OR52H1: variants seen among roughly 807,000 people sequenced by gnomAD.
OR52H1 encodes the protein olfactory receptor 52H1.
For synonymous variants in OR52H1, 148 were observed against 138.6 expected (o/e 1.07, Z -0.48); for missense variants, 383 against 396.4 (o/e 0.97, Z 0.29).
rs1337844723 is a variant in OR52H1, at chr11:5,544,644, C to G, written c.862G>C (p.Ala288Pro). 6.2e-7 allele frequency: 1 copy of G among 1,614,072 alleles called. No homozygotes were observed. Among genetic ancestry groups the G allele is most frequent in the Non-Finnish European group, 8.5e-7 (1 of 1,179,998 alleles). ...ACTCCGTAAACCATGGGGTTGAGTG[C>G]AGGTGGGATAACAATGTAGAGATTG... ...FANLYIVIPP[A>P]LNPMVYGVKT... Residue 288 changes from alanine (A) to proline (P), a missense_variant, in exon 2 of 2, where the codon GCA (alanine) becomes CCA (proline). Coordinates refer to ENST00000322653, the MANE Select transcript of OR52H1 (RefSeq NM_001005289.5).
rs750440917 is a variant in OR52H1 at position 5,545,097 on chromosome 11, T to G, written c.409A>C (p.Ile137Leu). 2 of 1,613,932 alleles carry G rather than the reference T, an allele frequency of 1.2e-6. No homozygotes were observed. The highest frequency in any genetic ancestry group is 2.2e-5 in the East Asian group (1 of 44,880). ...AICSPLRYTT[I>L]LTPKTIIKSA... ...TTGATGATGGTCTTGGGAGTCAAGA[T>G]GGTGGTATATCTCAAGGGAGAACAG... Residue 137 changes from isoleucine to leucine, a missense_variant, in exon 2 of 2, where the codon ATC becomes CTC. Ile to Leu is a conservative substitution (Grantham distance 5, BLOSUM62 2). Coordinates refer to ENST00000322653, the MANE Select transcript of OR52H1 (RefSeq NM_001005289.5).
In OR52H1 at chr11:5,544,565, C is replaced by A; in HGVS notation, c.941G>T (p.Gly314Val). 1 of 1,585,466 alleles carries A rather than the reference C, an allele frequency of 6.3e-7. No homozygotes were observed. The highest frequency in any genetic ancestry group is 8.6e-7 in the Non-Finnish European group (1 of 1,166,584). The change falls in exon 2 of 2, where the codon GGA becomes GTA. Residue 314 changes from glycine (G) to valine (V), a missense_variant. By Grantham distance (109) the Gly-to-Val change is moderately radical (BLOSUM62 -3). Coordinates refer to ENST00000322653, the MANE Select transcript of OR52H1 (RefSeq NM_001005289.5). ...TAAACTTATCCTAGTAAAACATCAT[C>A]CTGTACCCTTAGAAAACAAAAGTAT... Reference protein sequence around the residue: ...KVILLFSKGTG With the variant: ...KVILLFSKGTV
At chr11:5,545,592 C>A in intron 1 of OR52H1, 57 bp from the exon 2 acceptor site, 1 of 1,454,302 alleles carries the variant, frequency 6.9e-7, no homozygotes, top group Admixed American at 2.1e-5. Context: ...AAACTTTCAA[C>A]TAATTATAAT....
chr11:5,546,594 T>C (rs919589202), intron 1 of OR52H1, among the ~76,000 whole-genome samples: 2 of 152,216 alleles, frequency 1.3e-5, no homozygotes, highest in African/African-American at 4.8e-5. Context: ...ACTGGTCCTA[T>C]ACCTTCTTCC....
rs10675854 is a variant in OR52H1, at chr11:5,547,653, A to AT, written c.-31+798dup. On this transcript the variant is annotated intron_variant, in intron 1 of 1. Transcript: ENST00000322653. ...CAAAATGATACACATTGAAAAAAGAATTTTTTTTTTGAGACAGAGTCTTGC... is the reference window on the plus strand; with the variant it reads ...CAAAATGATACACATTGAAAAAAGAATTTTTTTTTTTGAGACAGAGTCTTGC... 2.8e-3 allele frequency among the ~76,000 whole-genome samples: 420 copies of AT among 150,824 alleles called. 3 individuals carry two copies. Among genetic ancestry groups the AT allele is most frequent in the African/African-American group, 9.7e-3 (399 of 41,172 alleles).
At position 5,545,394 on chromosome 11, in the gene OR52H1, T is replaced by C. The variant is rs764311957; in HGVS notation, c.112A>G (p.Ile38Val). ...ATGCAGTTTCCCACAACAGCTACAA[T>C]GTAGATGATACAGAAGGGAATTCCA... ...WIGIPFCIIY[I>V]VAVVGNCILL... The change falls in exon 2 of 2, where the codon ATT becomes GTT. Residue 38 changes from isoleucine to valine, a missense_variant. Ile to Val is a conservative substitution (Grantham distance 29). Transcript: ENST00000322653. 2 of 1,614,090 alleles carry C rather than the reference T, an allele frequency of 1.2e-6. No individual in the cohort carries two copies. Among genetic ancestry groups the C allele is most frequent in the Non-Finnish European group, 1.7e-6 (2 of 1,180,020 alleles).
Position 5,545,128 on chromosome 11 carries a change from T to C in OR52H1, c.378A>G (p.Val126=), listed in dbSNP as rs1371069578. 2 of 1,613,994 alleles carry C rather than the reference T, an allele frequency of 1.2e-6. No homozygotes were observed. Among genetic ancestry groups the C allele is most frequent in the Non-Finnish European group, 1.7e-6 (2 of 1,180,006 alleles). Reference sequence around the variant, plus strand: ...TATATCTCAAGGGAGAACAGATAGCTACATAGTGATCAAATGCCATGGCCA... The same window carrying C: ...TATATCTCAAGGGAGAACAGATAGCCACATAGTGATCAAATGCCATGGCCA... The part of the protein sequence containing the change: ...ILMAMAFDHY[V]AICSPLRYTT... Residue 126 remains valine, a synonymous_variant, in exon 2 of 2, where the codon GTA becomes GTG. Coordinates refer to ENST00000322653, the MANE Select transcript of OR52H1 (RefSeq NM_001005289.5).
At chr11:5,547,027 C>A (rs1383459879) in intron 1 of OR52H1, among the ~76,000 whole-genome samples, 1 of 152,190 alleles carries the variant, frequency 6.6e-6, no homozygotes, top group Non-Finnish European at 1.5e-5. Flanking sequence ...ACGATCTCGG[C>A]TCACTGCAAC....
rs76230147 is a variant in OR52H1 at position 5,545,538 on chromosome 11, A to G, written c.-30-3T>C. 2.8e-3 allele frequency: 4,415 copies of G among 1,604,736 alleles called. 97 individuals are homozygous for G. In the African/African-American group the frequency reaches 0.054, roughly 20 times the overall value. Reference sequence around the variant, plus strand: ...GCAGATGGCATAAATCTCAGCCCCTAAAGACAGAGGGTGATTAAGGATAGA... The same window carrying G: ...GCAGATGGCATAAATCTCAGCCCCTGAAGACAGAGGGTGATTAAGGATAGA... On this transcript the variant is annotated splice_region_variant and splice_polypyrimidine_tract_variant and intron_variant, in intron 1 of 1. Transcript: ENST00000322653.
chr11:5,545,361 A>G lies in OR52H1; in HGVS notation c.145T>C (p.Tyr49His), dbSNP rs140168828. ...VAVVGNCILL[Y>H]LIVVEHSLHE... The stretch of plus-strand genomic sequence containing the variant: ...AGACTATGCTCCACCACAATGAGGT[A>G]GAGAAGGATGCAGTTTCCCACAACA... The change falls in exon 2 of 2, where the codon TAC becomes CAC. Residue 49 changes from tyrosine to histidine, a missense_variant. Physicochemically the swap from Tyr to His is moderately conservative, Grantham distance 83. Coordinates refer to ENST00000322653, the MANE Select transcript of OR52H1 (RefSeq NM_001005289.5). The G allele has an allele frequency of 6.2e-7, 1 of 1,613,936 alleles. No individual in the cohort carries two copies. The highest frequency in any genetic ancestry group is 1.1e-5 in the South Asian group (1 of 91,084).
At chr11:5,547,714 T>C (rs1590049595) in intron 1 of OR52H1, among the ~76,000 whole-genome samples, 2 of 152,226 alleles carry the variant, frequency 1.3e-5, no homozygotes, top group East Asian at 3.9e-4. Context: ...GGCACAATCT[T>C]GGCTCACTGC....
chr11:5,545,527 T>G lies in OR52H1; in HGVS notation c.-22A>C, dbSNP rs911402604. On this transcript the variant is annotated 5_prime_UTR_variant, in exon 2 of 2. Coordinates refer to ENST00000322653, the MANE Select transcript of OR52H1 (RefSeq NM_001005289.5). ...TCATGGCAGAGGCAGATGGCATAAATCTCAGCCCCTAAAGACAGAGGGTGA... is the reference window on the plus strand; with the variant it reads ...TCATGGCAGAGGCAGATGGCATAAAGCTCAGCCCCTAAAGACAGAGGGTGA... The G allele has an allele frequency of 1.2e-6, 2 of 1,610,012 alleles. No individual in the cohort carries two copies. Among genetic ancestry groups the G allele is most frequent in the Non-Finnish European group, 1.7e-6 (2 of 1,177,204 alleles).
chr11:5,546,067 C>T (rs779242036), intron 1 of OR52H1, among the ~76,000 whole-genome samples: 4 of 151,740 alleles, frequency 2.6e-5, no homozygotes, highest in Non-Finnish European at 5.9e-5. Flanking sequence ...ATCTAAAAAC[C>T]TAATTCAGTT....
chr11:5,544,967 T>A lies in OR52H1; in HGVS notation c.539A>T (p.Tyr180Phe). 6.2e-7 allele frequency: 1 copy of A among 1,614,046 alleles called. No homozygotes were observed. Residue 180 changes from tyrosine to phenylalanine, a missense_variant, in exon 2 of 2, where the codon TAC becomes TTC. Tyr to Phe is a conservative substitution (Grantham distance 22). Coordinates refer to ENST00000322653, the MANE Select transcript of OR52H1 (RefSeq NM_001005289.5). ...CTGGGCAACACCTATATGCTCACAG[T>A]ATGTGTGGGGTATGATGCGTGTCCT... ...FCRTRIIPHT[Y>F]CEHIGVAQLA...
chr11:5,545,150 G>A lies in OR52H1; in HGVS notation c.356C>T (p.Ala119Val). The A allele has an allele frequency of 1.2e-6, 2 of 1,614,112 alleles. No individual in the cohort carries two copies. The highest frequency in any genetic ancestry group is 1.7e-6 in the Non-Finnish European group (2 of 1,180,000). Residue 119 changes from alanine (A) to valine (V), a missense_variant, in exon 2 of 2, where the codon GCC becomes GTC. By Grantham distance (64) the Ala-to-Val change is moderately conservative. Coordinates refer to ENST00000322653, the MANE Select transcript of OR52H1 (RefSeq NM_001005289.5). The stretch of plus-strand genomic sequence containing the variant: ...AGCTACATAGTGATCAAATGCCATG[G>A]CCATCAGAATGGCTGAATCCAGGAC... Reference protein sequence around the residue: ...NFVLDSAILMAMAFDHYVAIC... With the variant: ...NFVLDSAILMVMAFDHYVAIC...
rs180912607 is a variant in OR52H1 at position 5,547,040 on chromosome 11, C to T, written c.-31+1412G>A. On this transcript the variant is annotated intron_variant, in intron 1 of 1. Coordinates refer to ENST00000322653, the MANE Select transcript of OR52H1 (RefSeq NM_001005289.5). ...GCACGATCTCGGCTCACTGCAACCT[C>T]CGCCTCCCCGGTTCAAGCGATTCTC... Among the ~76,000 whole-genome samples, 159 of 152,286 alleles carry T rather than the reference C, an allele frequency of 1.0e-3. 2 individuals carry two copies. The East Asian group carries it at 0.024, about 23-fold the overall frequency.
chr11:5,548,058 G>A (rs1462897105), intron 1 of OR52H1, among the ~76,000 whole-genome samples: 1 of 152,132 alleles, frequency 6.6e-6, no homozygotes, highest in Admixed American at 6.5e-5. Context: ...ACCAGACCAT[G>A]CAGTGGAAAA....
rs751042184 is a variant in OR52H1 at position 5,544,995 on chromosome 11, A to G, written c.511T>C (p.Cys171Arg). 1 of 1,614,216 alleles carries G rather than the reference A, an allele frequency of 6.2e-7. No homozygotes were observed. Among genetic ancestry groups the G allele is most frequent in the South Asian group, 1.1e-5 (1 of 91,088 alleles). ...GTGTGGGGTATGATGCGTGTCCTGC[A>G]GAAAGGCAGGCATGTCAGCAAGAAT... ...DVFLLTCLPF[C>R]RTRIIPHTYC... Residue 171 changes from cysteine to arginine, a missense_variant, in exon 2 of 2, where the codon TGC (cysteine) becomes CGC (arginine). Transcript: ENST00000322653.
In OR52H1 at chr11:5,545,254, G is replaced by C. The variant is rs1846836243; in HGVS notation, c.252C>G (p.Leu84=). Residue 84 remains leucine, a synonymous_variant, in exon 2 of 2, where the codon CTC becomes CTG. Coordinates refer to ENST00000322653, the MANE Select transcript of OR52H1 (RefSeq NM_001005289.5). ...ILSTAGVPKA[L]SIFWLGAREI... ...CGCGAGCCCCTAGCCAAAAGATACTGAGTGCTTTAGGCACACCAGCTGTGG... is the reference window on the plus strand; with the variant it reads ...CGCGAGCCCCTAGCCAAAAGATACTCAGTGCTTTAGGCACACCAGCTGTGG... The C allele has an allele frequency of 1.2e-6, 2 of 1,614,112 alleles. No individual in the cohort carries two copies. The highest frequency in any genetic ancestry group is 1.3e-5 in the African/African-American group (1 of 75,036).
Sources: allele counts gnomAD v4.1 joint callset (sites outside exome capture counted in the v4.1 genomes callset), GRCh38; gene constraint gnomAD v4.1.1; transcripts MANE v1.5; gene names NCBI Gene and HGNC (gene_info 2026-07-23, HGNC 2026-07-21).